Variants in CNTNAP2 observed in about 807,000 individuals in gnomAD.
The protein encoded by CNTNAP2 is contactin associated protein 2, also known as contactin-associated protein-like 2.
CNTNAP2 carries 98 observed loss-of-function variants against 155.2 expected under a neutral mutation model. The ratio of observed to expected loss-of-function variants is 0.63; its 90% CI spans 0.54 to 0.75. The LOEUF (loss-of-function observed/expected upper bound fraction) is 0.75. CNTNAP2 is among the 30% of genes least tolerant of loss of function. CNTNAP2 has a pLI of 0.00. For missense variants in CNTNAP2, 1,727 were observed against 1,688.1 expected, an observed-to-expected ratio of 1.02 and a Z score of -0.40; for synonymous variants, 651 against 631.2, an observed-to-expected ratio of 1.03 and a Z score of -0.47.
chr7:146,547,643 A>G (rs1798048169), intron 1 of CNTNAP2, among the ~76,000 whole-genome samples: 1 of 151,920 alleles, frequency 6.6e-6, no homozygotes, highest in African/African-American at 2.4e-5. Flanking sequence ...TCCACATTGC[A>G]TATTGCAGAA....
chr7:146,140,658 T>C (rs1797863794), intron 1 of CNTNAP2, among the ~76,000 whole-genome samples: 1 of 152,108 alleles, frequency 6.6e-6, no homozygotes, highest in South Asian at 2.1e-4. Flanking sequence ...CAGTTCTTGA[T>C]AGGGACAAAC....
At chr7:147,541,159 G>A (rs1799632249) in intron 11 of CNTNAP2, among the ~76,000 whole-genome samples, 1 of 152,152 alleles carries the variant, frequency 6.6e-6, no homozygotes, top group Admixed American at 6.5e-5. Flanking sequence ...TTCTGGTCTG[G>A]TAATTGACAC....
chr7:146,471,998 C>T (rs1464948850), intron 1 of CNTNAP2, among the ~76,000 whole-genome samples: 1 of 152,098 alleles, frequency 6.6e-6, no homozygotes, highest in Non-Finnish European at 1.5e-5. Flanking sequence ...ATGAAAATGT[C>T]CCCAAAGTAG....
intron 15 of CNTNAP2, among the ~76,000 whole-genome samples, chr7:148,042,426 CTTCTGGTTCTAAG>C (rs1802695660): frequency 6.6e-6 from 1 of 152,160 alleles, no homozygotes; most frequent in African/African-American, 2.4e-5. Flanking sequence ...TTCCCTTTGG[CTTCTGGTTCTAAG>C]CGTGTTAGCA....
intron 3 of CNTNAP2, among the ~76,000 whole-genome samples, chr7:146,871,806 T>A (rs377563951): frequency 3.9e-5 from 6 of 152,112 alleles, no homozygotes; most frequent in East Asian, 3.9e-4. Context: ...GTCTTTACAT[T>A]GAGAAACTAT....
At chr7:148,251,268 G>A (rs1365612794) in intron 20 of CNTNAP2, among the ~76,000 whole-genome samples, 1 of 152,170 alleles carries the variant, frequency 6.6e-6, no homozygotes, top group Non-Finnish European at 1.5e-5. Context: ...CAGAACTCGG[G>A]AAAGCACTAT....
intron 3 of CNTNAP2, among the ~76,000 whole-genome samples, chr7:147,037,414 C>G (rs1289821531): frequency 2.2e-5 from 3 of 137,382 alleles, no homozygotes; most frequent in Admixed American, 7.3e-5. Flanking sequence ...CCAAGTTTGT[C>G]TTTACTAGGT....
At chr7:147,341,746 G>A (rs955760969) in intron 9 of CNTNAP2, among the ~76,000 whole-genome samples, 2 of 136,160 alleles carry the variant, frequency 1.5e-5, no homozygotes, top group South Asian at 2.6e-4. Context: ...TCTAATCTAG[G>A]CTATCACACA....
intron 15 of CNTNAP2, among the ~76,000 whole-genome samples, chr7:148,082,952 C>T (rs1402646981): frequency 6.6e-6 from 1 of 152,012 alleles, no homozygotes; most frequent in Admixed American, 6.6e-5. Context: ...GCTGAGATTA[C>T]AGGCGTGACC....
intron 3 of CNTNAP2, among the ~76,000 whole-genome samples, chr7:146,855,788 T>C (rs1280832000): frequency 7.0e-6 from 1 of 142,390 alleles, no homozygotes; most frequent in Non-Finnish European, 1.5e-5. Context: ...TACTTAAAAA[T>C]ATATGTGTGT....
At chr7:147,004,964 G>A (rs918994027) in intron 3 of CNTNAP2, among the ~76,000 whole-genome samples, 1 of 152,000 alleles carries the variant, frequency 6.6e-6, no homozygotes, top group Non-Finnish European at 1.5e-5. Flanking sequence ...ACAAAATAAA[G>A]TTTTATGTGT....
chr7:147,542,666 A>G lies in CNTNAP2; in HGVS notation c.1778-19472A>G, dbSNP rs940598051. Among the ~76,000 whole-genome samples the G allele has an allele frequency of 3.3e-5, 5 of 152,196 alleles. No individual in the cohort carries two copies. In the East Asian group the frequency reaches 5.8e-4, roughly 18 times the overall value. On this transcript the variant is annotated intron_variant, in intron 11 of 23. Coordinates refer to ENST00000361727, the MANE Select transcript of CNTNAP2 (RefSeq NM_014141.6). ...TTTCAGTATGACTTTCTTCCATCACATGGTGAAGATCTTTGGAGAAACCTT... is the reference window on the plus strand; with the variant it reads ...TTTCAGTATGACTTTCTTCCATCACGTGGTGAAGATCTTTGGAGAAACCTT...
At position 148,385,737 on chromosome 7, in the gene CNTNAP2, T is replaced by G. The variant is rs1036153319; in HGVS notation, c.3715+1849T>G. On this transcript the variant is annotated intron_variant, in intron 22 of 23. Coordinates refer to ENST00000361727, the MANE Select transcript of CNTNAP2 (RefSeq NM_014141.6). ...AAAATCATGCTTTGAGTGTGACAGG[T>G]TTTTTTTTTTTTTTTTTTTTTTTGG... Among the ~76,000 whole-genome samples, 3 of 1,790 alleles carry G rather than the reference T, an allele frequency of 1.7e-3. No homozygotes were observed. In the East Asian group the frequency reaches 0.15, roughly 89 times the overall value. The allele number at this position is 1,790 out of a possible 152,430, so 1.2% of individuals were successfully genotyped here.
intron 9 of CNTNAP2, among the ~76,000 whole-genome samples, chr7:147,385,342 C>A (rs1399013168): frequency 6.6e-6 from 1 of 152,148 alleles, no homozygotes; most frequent in Non-Finnish European, 1.5e-5. Context: ...AAAGTCTTAA[C>A]TCATTTCAGC....
chr7:147,011,281 A>G (rs1589776), intron 3 of CNTNAP2, among the ~76,000 whole-genome samples: 65,355 of 151,326 alleles, frequency 0.43, 14,374 homozygotes, highest in South Asian at 0.52. Flanking sequence ...TGACGTGGTG[A>G]CACATGCCTA....
chr7:146,511,543 A>AT (rs529715224), intron 1 of CNTNAP2, among the ~76,000 whole-genome samples: 105 of 152,278 alleles, frequency 6.9e-4, no homozygotes, highest in African/African-American at 2.5e-3. Flanking sequence ...GGAAATAAAC[A>AT]TTTTTTTAAA....
chr7:147,422,132 A>T (rs928675317), intron 10 of CNTNAP2, among the ~76,000 whole-genome samples: 1 of 147,260 alleles, frequency 6.8e-6, no homozygotes, highest in Non-Finnish European at 1.5e-5. Flanking sequence ...GTATATATAC[A>T]GTATATATAT....
Position 147,703,970 on chromosome 7 carries a change from A to G in CNTNAP2, c.2098+64664A>G, listed in dbSNP as rs1796273542. 4.6e-5 allele frequency among the ~76,000 whole-genome samples: 7 copies of G among 152,112 alleles called. No homozygotes were observed. The South Asian group carries it at 1.2e-3, about 27-fold the overall frequency. ...GAGAACATGCAATATTTGTCTTTCC[A>G]TGCCTGGCATATTTCTTTTAAGATA... On this transcript the variant is annotated intron_variant, in intron 13 of 23. Coordinates refer to ENST00000361727, the MANE Select transcript of CNTNAP2 (RefSeq NM_014141.6).
intron 10 of CNTNAP2, among the ~76,000 whole-genome samples, chr7:147,408,530 G>A (rs530973465): frequency 6.3e-4 from 96 of 152,314 alleles, no homozygotes; most frequent in Admixed American, 1.6e-3. Context: ...GGAGGCTGAC[G>A]CGGGCGGATC....
Sources: allele counts gnomAD v4.1 joint callset (sites outside exome capture counted in the v4.1 genomes callset), GRCh38; gene constraint gnomAD v4.1.1; transcripts MANE v1.5; gene names NCBI Gene and HGNC (gene_info 2026-07-23, HGNC 2026-07-21).